The following HSPA12A variants were observed in gnomAD, a reference collection of about 807,000 sequenced individuals.
The protein encoded by HSPA12A is heat shock protein family A (Hsp70) member 12A.
HSPA12A carries 28 observed loss-of-function variants against 69.2 expected under a neutral mutation model. That is an observed-to-expected ratio of 0.40 (90% CI 0.30 to 0.55). The LOEUF is 0.55. HSPA12A is among the 20% of genes least tolerant of loss of function. The probability of loss-of-function intolerance (pLI) is 0.38; values close to 1 mark genes in which losing one functional copy is unlikely to be tolerated. For missense variants in HSPA12A, 686 were observed against 900.7 expected (o/e 0.76, Z 3.05); for synonymous variants, 345 against 370.5 (o/e 0.93, Z 0.79).
intron 5 of HSPA12A, among the ~76,000 whole-genome samples, chr10:116,695,065 C>T (rs542809538): frequency 5.3e-4 from 80 of 152,192 alleles, no homozygotes; most frequent in Non-Finnish European, 9.0e-4. Context: ...TCCCAGCCCA[C>T]GGGCCCTCTT....
chr10:116,730,028 C>A (rs1421975482), intron 1 of HSPA12A, among the ~76,000 whole-genome samples: 3 of 152,128 alleles, frequency 2.0e-5, no homozygotes, highest in African/African-American at 7.2e-5. Flanking sequence ...ACTAAATATA[C>A]AAAAATTAGC....
chr10:116,705,388 A>G (rs1850212713), intron 2 of HSPA12A, 110 bp from the exon 3 acceptor site: 2 of 1,259,396 alleles, frequency 1.6e-6, no homozygotes, highest in South Asian at 1.2e-5. Context: ...TGCAGACAGA[A>G]AGACATTCTA....
In HSPA12A at chr10:116,673,711, G is replaced by C. The variant is rs1462353558; in HGVS notation, c.*1070C>G. 2 of 152,162 alleles carry C rather than the reference G, an allele frequency of 1.3e-5. No homozygotes were observed. Among genetic ancestry groups the C allele is most frequent in the Non-Finnish European group, 2.9e-5 (2 of 68,036 alleles). 9.4% of individuals were successfully genotyped at this position (152,162 alleles called of 1,614,324 possible). ...TAGATCTACAAATTATTTTTAGAGA[G>C]ACTTGAAAAACTGAAGATTTTAATG... On this transcript the variant is annotated 3_prime_UTR_variant, in exon 12 of 12. Transcript: ENST00000369209.
At chr10:116,684,217 G>T (rs1356057926) in intron 6 of HSPA12A, among the ~76,000 whole-genome samples, 1 of 152,190 alleles carries the variant, frequency 6.6e-6, no homozygotes, top group Non-Finnish European at 1.5e-5. Context: ...TGCTCTGGCT[G>T]TGGGGCCTCT....
intron 2 of HSPA12A, 85 bp from the exon 3 acceptor site, chr10:116,705,363 T>G: frequency 6.8e-7 from 1 of 1,472,246 alleles, no homozygotes; most frequent in South Asian, 1.1e-5. Context: ...TCACCTTGCC[T>G]AGCTGTGAAC....
chr10:116,807,831 C>T (rs375359907), intron 2 of HSPA12A, among the ~76,000 whole-genome samples: 6 of 152,314 alleles, frequency 3.9e-5, no homozygotes, highest in Non-Finnish European at 7.3e-5. Flanking sequence ...TGGCTACCAA[C>T]GCCTCCTCAT....
intron 2 of HSPA12A, chr10:116,830,624 T>C (rs1845596556): frequency 6.6e-6 from 1 of 151,808 alleles, no homozygotes; most frequent in Non-Finnish European, 1.5e-5. Flanking sequence ...AATTCAAAAA[T>C]TAGCCAGATG....
In HSPA12A at chr10:116,841,713, A is replaced by G. The variant is rs184429588; in HGVS notation, c.4-6691T>C. On this transcript the variant is annotated intron_variant, in intron 1 of 12. Coordinates refer to the HSPA12A transcript ENST00000635765. ...AAAATGATTTTATTTGCTAAAAAAAATACTGAGAATTTACTCCTCCAGAAT... is the reference window on the plus strand; with the variant it reads ...AAAATGATTTTATTTGCTAAAAAAAGTACTGAGAATTTACTCCTCCAGAAT... Among the ~76,000 whole-genome samples the G allele has an allele frequency of 6.4e-3, 982 of 152,282 alleles. 5 individuals are homozygous for G. Among genetic ancestry groups the G allele is most frequent in the Non-Finnish European group, 0.011 (748 of 68,006 alleles).
intron 2 of HSPA12A, among the ~76,000 whole-genome samples, chr10:116,806,195 C>T (rs1845063420): frequency 6.6e-6 from 1 of 152,162 alleles, no homozygotes; most frequent in Non-Finnish European, 1.5e-5. Flanking sequence ...GAAGACACTG[C>T]TGTAGATATA....
intron 2 of HSPA12A, among the ~76,000 whole-genome samples, chr10:116,785,526 C>T (rs967457034): frequency 1.3e-5 from 2 of 152,100 alleles, no homozygotes; most frequent in Admixed American, 6.5e-5. Context: ...CGCCTGCCTC[C>T]CTGGTTCTCC....
At chr10:116,725,669 C>T (rs1024530035) in intron 1 of HSPA12A, among the ~76,000 whole-genome samples, 7 of 152,014 alleles carry the variant, frequency 4.6e-5, no homozygotes, top group African/African-American at 1.2e-4. Flanking sequence ...GCAGAAGGGG[C>T]GCTATCTTGG....
chr10:116,765,617 T>G (rs1844059307), intron 2 of HSPA12A, among the ~76,000 whole-genome samples: 1 of 152,234 alleles, frequency 6.6e-6, no homozygotes, highest in Non-Finnish European at 1.5e-5. Flanking sequence ...TTGATTGCAC[T>G]ATTCTTATAA....
chr10:116,806,200 G>GAT (rs142547230), intron 2 of HSPA12A, among the ~76,000 whole-genome samples: 408 of 151,870 alleles, frequency 2.7e-3, no homozygotes, highest in African/African-American at 8.5e-3. Flanking sequence ...CACTGCTGTA[G>GAT]ATATATATAT....
Position 116,705,232 on chromosome 10 carries a change from A to G in HSPA12A, c.173T>C (p.Val58Ala). The G allele has an allele frequency of 6.2e-7, 1 of 1,614,150 alleles. No individual in the cohort carries two copies. Among genetic ancestry groups the G allele is most frequent in the South Asian group, 1.1e-5 (1 of 91,070 alleles). ...TGTGGTCCCAAAGTCGACGGCCACC[A>G]CCACGAGAAATGACTGCTGTTCTGA... ...NVSEQQSFLV[V>A]VAVDFGTTSS... is the part of the protein sequence containing the mutation. The change falls in exon 3 of 12, where the codon GTG becomes GCG. Residue 58 changes from valine (V) to alanine (A), a missense_variant. Coordinates refer to ENST00000369209, the MANE Select transcript of HSPA12A (RefSeq NM_025015.3).
chr10:116,715,398 G>A (rs1271584956), intron 1 of HSPA12A, among the ~76,000 whole-genome samples: 1 of 152,206 alleles, frequency 6.6e-6, no homozygotes, highest in African/African-American at 2.4e-5. Flanking sequence ...AAACGTAAAT[G>A]CTGACCAGAC....
At chr10:116,724,731 C>A (rs574148800) in intron 1 of HSPA12A, among the ~76,000 whole-genome samples, 2 of 152,316 alleles carry the variant, frequency 1.3e-5, no homozygotes, top group Admixed American at 6.5e-5. Context: ...GCAGAGGAGA[C>A]AAGTGAGTGA....
At chr10:116,734,809 C>T (rs1564801304) in intron 1 of HSPA12A, among the ~76,000 whole-genome samples, 1 of 151,886 alleles carries the variant, frequency 6.6e-6, no homozygotes, top group Non-Finnish European at 1.5e-5. Context: ...CTAGCTAACA[C>T]GGTGAAACCC....
chr10:116,718,252 C>A (rs1366424415), intron 1 of HSPA12A, among the ~76,000 whole-genome samples: 1 of 152,228 alleles, frequency 6.6e-6, no homozygotes, highest in Non-Finnish European at 1.5e-5. Context: ...CCATTCCAGG[C>A]CAGTTGGTTT....
intron 2 of HSPA12A, among the ~76,000 whole-genome samples, chr10:116,775,911 T>C (rs1554891060): frequency 1.3e-5 from 2 of 152,186 alleles, no homozygotes; most frequent in Admixed American, 6.5e-5. Flanking sequence ...GACTCTCTTA[T>C]GTGACTCCAC....
Sources: allele counts gnomAD v4.1 joint callset (sites outside exome capture counted in the v4.1 genomes callset), GRCh38; gene constraint gnomAD v4.1.1; transcripts MANE v1.5; gene names NCBI Gene and HGNC (gene_info 2026-07-23, HGNC 2026-07-21).